The following PRTG variants were observed in gnomAD, a reference collection of about 807,000 sequenced individuals.
PRTG encodes immunoglobulin superfamily, DCC subclass, member 5.
PRTG carries 67 observed loss-of-function variants against 122.5 expected under a neutral mutation model. The observed-to-expected ratio is 0.55, with a 90% CI of 0.45 to 0.67. The LOEUF (loss-of-function observed/expected upper bound fraction) is 0.67, where lower values mean the gene tolerates loss of function less well. PRTG is among the 30% of genes least tolerant of loss of function. The pLI is 0.00. For synonymous variants in PRTG, 554 were observed against 501.1 expected, an observed-to-expected ratio of 1.11 and a Z score of -1.41; for missense variants, 1,435 against 1,415.4, an observed-to-expected ratio of 1.01 and a Z score of -0.22.
At chr15:55,709,794 C>T (rs762473940) in intron 2 of PRTG, among the ~76,000 whole-genome samples, 1 of 152,136 alleles carries the variant, frequency 6.6e-6, no homozygotes, top group Non-Finnish European at 1.5e-5. Flanking sequence ...TTTGAACATT[C>T]TAAAAAGGCA....
At chr15:55,682,161 A>G (rs897614048) in intron 4 of PRTG, among the ~76,000 whole-genome samples, 2 of 152,184 alleles carry the variant, frequency 1.3e-5, no homozygotes, top group Non-Finnish European at 2.9e-5. Flanking sequence ...AAGACTGAAT[A>G]TTTCTTAAAG....
intron 2 of PRTG, among the ~76,000 whole-genome samples, chr15:55,709,336 T>G (rs2030286608): frequency 6.8e-6 from 1 of 147,024 alleles, no homozygotes; most frequent in Admixed American, 6.8e-5. Flanking sequence ...TTAAAAAAAG[T>G]TTATATATAT....
intron 15 of PRTG, among the ~76,000 whole-genome samples, chr15:55,634,735 G>A (rs4453409): frequency 0.35 from 52,623 of 151,638 alleles, 11,127 homozygotes; most frequent in Non-Finnish European, 0.48. Context: ...CCAGCTACTC[G>A]GGAGGCTGAG....
chr15:55,699,758 G>A (rs2059651719), intron 2 of PRTG, among the ~76,000 whole-genome samples: 1 of 152,126 alleles, frequency 6.6e-6, no homozygotes, highest in African/African-American at 2.4e-5. Context: ...ATTGGTCTAA[G>A]GGGCCTTGGA....
rs888213445 is a variant in PRTG at position 55,614,862 on chromosome 15, G to A, written c.*5150C>T. 1 of 152,078 alleles carries A rather than the reference G, an allele frequency of 6.6e-6. No individual in the cohort carries two copies. The highest frequency in any genetic ancestry group is 6.6e-5 in the Admixed American group (1 of 15,250). 9.4% of individuals were successfully genotyped at this position (152,078 alleles called of 1,614,324 possible). ...TACAGGGATCAGAATTCCACAGAAA[G>A]AATGTACCTGTTGTGGGCAAAATAC... On this transcript the variant is annotated 3_prime_UTR_variant, in exon 20 of 20. Coordinates refer to ENST00000389286, the MANE Select transcript of PRTG (RefSeq NM_173814.6).
chr15:55,723,000 A>G (rs1595677532), intron 2 of PRTG, among the ~76,000 whole-genome samples: 1 of 152,340 alleles, frequency 6.6e-6, no homozygotes. Context: ...CTTTTGGATG[A>G]GAAAAGAATG....
chr15:55,709,627 C>T lies in PRTG; in HGVS notation c.398-25696G>A, dbSNP rs555733172. Among the ~76,000 whole-genome samples, 5 of 152,122 alleles carry T rather than the reference C, an allele frequency of 3.3e-5. No individual in the cohort carries two copies. In the East Asian group the frequency reaches 9.7e-4, roughly 29 times the overall value. On this transcript the variant is annotated intron_variant, in intron 2 of 19. Transcript: ENST00000389286. ...GTAATGGCCTCAAACTGTTTGGAAA[C>T]AGCCCTAATGTAAATTAACAAGTGA...
rs1463293032 is a variant in PRTG at position 55,613,865 on chromosome 15, C to T, written c.*6147G>A. On this transcript the variant is annotated 3_prime_UTR_variant, in exon 20 of 20. Transcript: ENST00000389286. Reference sequence around the variant, plus strand: ...GTTTGTATCTTGCCTAAACCACTCACTAGCTGTGACTTTTGGCAAGAGATC... The same window carrying T: ...GTTTGTATCTTGCCTAAACCACTCATTAGCTGTGACTTTTGGCAAGAGATC... The T allele has an allele frequency of 6.7e-6, 1 of 148,416 alleles. No individual in the cohort carries two copies. Among genetic ancestry groups the T allele is most frequent in the Non-Finnish European group, 1.5e-5 (1 of 67,222 alleles). 9.2% of individuals were successfully genotyped at this position (148,416 alleles called of 1,614,324 possible).
intron 8 of PRTG, 40 bp downstream of exon 8, chr15:55,677,757 C>T: frequency 1.3e-6 from 2 of 1,592,776 alleles, no homozygotes; most frequent in Non-Finnish European, 1.7e-6. Flanking sequence ...TCCTTGATAG[C>T]AAGGAGTACT....
At chr15:55,646,790 T>C (rs1460876528) in intron 11 of PRTG, among the ~76,000 whole-genome samples, 3 of 152,262 alleles carry the variant, frequency 2.0e-5, no homozygotes, top group African/African-American at 4.8e-5. Context: ...AGCTCTGAAC[T>C]GTCAGCTTAC....
At position 55,620,819 on chromosome 15, in the gene PRTG, A is replaced by C; in HGVS notation, c.3094-52T>G. The C allele has an allele frequency of 2.0e-6, 3 of 1,463,512 alleles. No homozygotes were observed. The East Asian group carries it at 6.9e-5, about 34-fold the overall frequency. The allele number at this position is 1,463,512 out of a possible 1,614,324, so 90.7% of individuals were successfully genotyped here. A position where few individuals can be genotyped will look rare whatever the true frequency, so the allele number is the denominator to read the frequency against. ...AAAATATCCTGGTATCACAGATTTC[A>C]CTTTATCACAAGTAGTGCATACTTT... On this transcript the variant is annotated intron_variant, in intron 18 of 19. Coordinates refer to ENST00000389286, the MANE Select transcript of PRTG (RefSeq NM_173814.6).
In PRTG at chr15:55,619,892, A is replaced by G. The variant is rs1225193295; in HGVS notation, c.*120T>C. 3 of 1,500,588 alleles carry G rather than the reference A, an allele frequency of 2.0e-6. No individual in the cohort carries two copies. The highest frequency in any genetic ancestry group is 4.5e-5 in the East Asian group (2 of 44,148). The allele number at this position is 1,500,588 out of a possible 1,614,324, so 93.0% of individuals were successfully genotyped here. A position where few individuals can be genotyped will look rare whatever the true frequency, so the allele number is the denominator to read the frequency against. ...TGGAAAATCATTTTTATCAAAGCAT[A>G]GCATGGCAGATGGCGGCTGCAGAAC... On this transcript the variant is annotated 3_prime_UTR_variant, in exon 20 of 20. Coordinates refer to ENST00000389286, the MANE Select transcript of PRTG (RefSeq NM_173814.6).
chr15:55,738,911 G>A (rs2031524148), intron 2 of PRTG, among the ~76,000 whole-genome samples: 1 of 140,954 alleles, frequency 7.1e-6, no homozygotes, highest in Non-Finnish European at 1.5e-5. Flanking sequence ...GGGAAGGGAA[G>A]GGGGAGGGAG....
At position 55,612,934 on chromosome 15, in the gene PRTG, A is replaced by C. The variant is rs907807238; in HGVS notation, c.*7078T>G. On this transcript the variant is annotated 3_prime_UTR_variant, in exon 20 of 20. Coordinates refer to ENST00000389286, the MANE Select transcript of PRTG (RefSeq NM_173814.6). Reference sequence around the variant, plus strand: ...GGAGATGCAAACATTTTTCATTTCAACAAAGGCAAAATATAATTGCAAAGG... The same window carrying C: ...GGAGATGCAAACATTTTTCATTTCACCAAAGGCAAAATATAATTGCAAAGG... 4 of 151,856 alleles carry C rather than the reference A, an allele frequency of 2.6e-5. No individual in the cohort carries two copies. The highest frequency in any genetic ancestry group is 5.9e-5 in the Non-Finnish European group (4 of 67,926). 9.4% of individuals were successfully genotyped at this position (151,856 alleles called of 1,614,324 possible). A position where few individuals can be genotyped will look rare whatever the true frequency, so the allele number is the denominator to read the frequency against.
At chr15:55,730,287 A>G (rs2031185129) in intron 2 of PRTG, among the ~76,000 whole-genome samples, 1 of 151,966 alleles carries the variant, frequency 6.6e-6, no homozygotes, top group Admixed American at 6.6e-5. Flanking sequence ...TTTTTAGTAG[A>G]GACAGGGTTT....
At chr15:55,691,099 A>C (rs576182815) in intron 2 of PRTG, among the ~76,000 whole-genome samples, 1 of 152,216 alleles carries the variant, frequency 6.6e-6, no homozygotes, top group South Asian at 2.1e-4. Context: ...GTTCGAGACC[A>C]ACCTGGCCAA....
At chr15:55,730,300 C>G (rs553328635) in intron 2 of PRTG, among the ~76,000 whole-genome samples, 1 of 152,186 alleles carries the variant, frequency 6.6e-6, no homozygotes, top group African/African-American at 2.4e-5. Context: ...CAGGGTTTCA[C>G]CACGTTTGCC....
In PRTG at chr15:55,702,945, G is replaced by A. The variant is rs79886715; in HGVS notation, c.398-19014C>T. Reference sequence around the variant, plus strand: ...ATCCTGCAGACACATGTCAGTTCCGGGGTCCCCTGACATTCTAAACCTATC... The same window carrying A: ...ATCCTGCAGACACATGTCAGTTCCGAGGTCCCCTGACATTCTAAACCTATC... On this transcript the variant is annotated intron_variant, in intron 2 of 19. Coordinates refer to ENST00000389286, the MANE Select transcript of PRTG (RefSeq NM_173814.6). 9.6e-3 allele frequency: 9,475 copies of A among 984,684 alleles called. 59 individuals carry two copies. Among genetic ancestry groups the A allele is most frequent in the East Asian group, 0.014 (120 of 8,814 alleles). 61.0% of individuals were successfully genotyped at this position (984,684 alleles called of 1,614,324 possible). A position where few individuals can be genotyped will look rare whatever the true frequency, so the allele number is the denominator to read the frequency against.
chr15:55,667,019 G>A (rs1419824577), intron 11 of PRTG, among the ~76,000 whole-genome samples: 1 of 152,022 alleles, frequency 6.6e-6, no homozygotes, highest in Non-Finnish European at 1.5e-5. Context: ...ATAGAACATT[G>A]TAAATGATGT....
Sources: gnomAD v4.1 joint callset for allele counts (sites outside exome capture counted in the v4.1 genomes callset) on GRCh38, gnomAD v4.1.1 for gene constraint, MANE v1.5 for transcripts, NCBI Gene and HGNC (gene_info 2026-07-23, HGNC 2026-07-21) for gene names.